The following AKAP10 variants were observed in gnomAD, a reference collection of about 807,000 sequenced individuals.
The protein encoded by AKAP10 is A-kinase anchor protein 10, mitochondrial.
In AKAP10, 24 loss-of-function variants were observed where a neutral mutation model predicts 80.8. That is an observed-to-expected ratio of 0.30 (90% confidence interval 0.22 to 0.42). The LOEUF is 0.42. Ranked by LOEUF, AKAP10 falls within the 10% of genes least tolerant of loss-of-function variation. The pLI, the probability that AKAP10 is intolerant of heterozygous loss-of-function variation, is 1.00. For synonymous variants in AKAP10, 291 were observed against 277.7 expected (o/e 1.05, Z -0.48); for missense variants, 661 against 794.9 (o/e 0.83, Z 2.03).
intron 2 of AKAP10, among the ~76,000 whole-genome samples, chr17:19,968,185 A>G (rs555925735): frequency 2.8e-4 from 39 of 138,784 alleles, no homozygotes; most frequent in African/African-American, 9.7e-4. Flanking sequence ...TGGGTAACAG[A>G]GCAAGACTCC....
In AKAP10 at chr17:19,905,032, T is replaced by TATA. The variant is rs1567747576; in HGVS notation, c.*1194_*1195insTAT. The TATA allele has an allele frequency of 9.5e-5, 14 of 146,746 alleles. No homozygotes were observed. The East Asian group carries it at 2.0e-3, about 21-fold the overall frequency. 9.1% of individuals were successfully genotyped at this position (146,746 alleles called of 1,614,324 possible). The stretch of plus-strand genomic sequence containing the variant: ...TATATTTATACATATATATATATAT[T>TATA]TTTTTTTTTGCAAAGTCTGAGCAAA... On this transcript the variant is annotated 3_prime_UTR_variant, in exon 15 of 15. Transcript: ENST00000225737.
chr17:19,961,600 G>A (rs576279923), intron 3 of AKAP10, among the ~76,000 whole-genome samples: 1 of 152,206 alleles, frequency 6.6e-6, no homozygotes, highest in Non-Finnish European at 1.5e-5. Context: ...GAAGTCCATT[G>A]GTTCATGGAT....
At chr17:19,933,781 AAT>A (rs1471627599) in intron 9 of AKAP10, among the ~76,000 whole-genome samples, 2 of 152,138 alleles carry the variant, frequency 1.3e-5, no homozygotes, top group African/African-American at 4.8e-5. Context: ...AATAGCGTTT[AAT>A]TAAGTTTTTT....
chr17:19,952,944 T>C (rs183912626), intron 4 of AKAP10, among the ~76,000 whole-genome samples: 1 of 152,308 alleles, frequency 6.6e-6, no homozygotes, highest in Admixed American at 6.5e-5. Context: ...TTGACATTTA[T>C]AGAAAACTGT....
intron 5 of AKAP10, among the ~76,000 whole-genome samples, chr17:19,944,064 C>T (rs1271795679): frequency 2.0e-5 from 3 of 152,032 alleles, no homozygotes; most frequent in Non-Finnish European, 4.4e-5. Flanking sequence ...GAGGACTTTG[C>T]TTCCTGCTTC....
At chr17:19,970,756 G>A (rs576876979) in intron 1 of AKAP10, among the ~76,000 whole-genome samples, 2 of 152,126 alleles carry the variant, frequency 1.3e-5, no homozygotes, top group East Asian at 1.9e-4. Context: ...CCGGGAGGCC[G>A]AGATTGCGGT....
intron 9 of AKAP10, among the ~76,000 whole-genome samples, chr17:19,933,889 T>C (rs2042964835): frequency 6.6e-6 from 1 of 152,168 alleles, no homozygotes; most frequent in East Asian, 1.9e-4. Context: ...AATAAATCAT[T>C]CACAAACATC....
At chr17:19,937,485 G>A (rs2043004429) in intron 8 of AKAP10, among the ~76,000 whole-genome samples, 2 of 152,136 alleles carry the variant, frequency 1.3e-5, no homozygotes, top group Non-Finnish European at 2.9e-5. Flanking sequence ...CTGGGTGACA[G>A]AGCAAGACTC....
intron 2 of AKAP10, among the ~76,000 whole-genome samples, chr17:19,964,648 T>C (rs1422732166): frequency 6.6e-6 from 1 of 152,120 alleles, no homozygotes; most frequent in East Asian, 1.9e-4. Context: ...TCCCAGAACT[T>C]TTGGAGGCTG....
Position 19,963,003 on chromosome 17 carries a change from G to A in AKAP10, c.156C>T (p.Ser52=). The A allele has an allele frequency of 6.2e-7, 1 of 1,610,032 alleles. No individual in the cohort carries two copies. The highest frequency in any genetic ancestry group is 8.5e-7 in the Non-Finnish European group (1 of 1,177,334). The change falls in exon 3 of 15, where the codon TCC becomes TCT. Residue 52 remains serine, a synonymous_variant. Coordinates refer to ENST00000225737, the MANE Select transcript of AKAP10 (RefSeq NM_007202.4). ...CATGATTTTTAGTGCTTTTTTGTGG[G>A]GAATGTACGGATATTGAAGCTATAA... ...KSIKASISVH[S]PQKSTKNHAL...
At chr17:19,963,696 A>G (rs1290892454) in intron 2 of AKAP10, among the ~76,000 whole-genome samples, 1 of 152,068 alleles carries the variant, frequency 6.6e-6, no homozygotes, top group African/African-American at 2.4e-5. Flanking sequence ...GGAGTTCAAG[A>G]CCAGCCTGAC....
rs536228009 is a variant in AKAP10 at position 19,942,606 on chromosome 17, T to C, written c.977-696A>G. On this transcript the variant is annotated intron_variant, in intron 5 of 14. Coordinates refer to ENST00000225737, the MANE Select transcript of AKAP10 (RefSeq NM_007202.4). ...AATTATGGATTTGTGAAGTTATCTG[T>C]AAAAAAGTTTATTAAAATGTTATTG... Among the ~76,000 whole-genome samples, 41 of 152,322 alleles carry C rather than the reference T, an allele frequency of 2.7e-4. No individual in the cohort carries two copies. The South Asian group carries it at 8.3e-3, about 31-fold the overall frequency.
At chr17:19,946,244 TATATATATATATATATATATATATATA>T (rs2043116608) in intron 5 of AKAP10, among the ~76,000 whole-genome samples, 1 of 14,264 alleles carries the variant, frequency 7.0e-5, no homozygotes, top group Non-Finnish European at 1.1e-4. Context: ...ATATTATATA[TATATATATATATATATATATATATATA>T]TATATTTTTT....
At chr17:19,914,614 G>C (rs2042724831) in intron 12 of AKAP10, among the ~76,000 whole-genome samples, 1 of 110,916 alleles carries the variant, frequency 9.0e-6, no homozygotes, top group Non-Finnish European at 1.7e-5. Context: ...GGGCAACAGA[G>C]CAAGACCCTA....
chr17:19,965,839 C>T (rs1293087138), intron 2 of AKAP10, among the ~76,000 whole-genome samples: 3 of 151,334 alleles, frequency 2.0e-5, no homozygotes, highest in Non-Finnish European at 4.4e-5. Flanking sequence ...AGGCACTATA[C>T]GAGTTTCTCT....
chr17:19,971,876 G>A (rs867636238), intron 1 of AKAP10, among the ~76,000 whole-genome samples: 40 of 152,062 alleles, frequency 2.6e-4, no homozygotes, highest in African/African-American at 8.9e-4. Context: ...AGCACTTTGG[G>A]AAGCAGCTCA....
At position 19,958,483 on chromosome 17, in the gene AKAP10, G is replaced by A. The variant is rs146842541; in HGVS notation, c.408C>T (p.Leu136=). The change falls in exon 4 of 15, where the codon CTC becomes CTT. Residue 136 remains leucine, a synonymous_variant. Coordinates refer to ENST00000225737, the MANE Select transcript of AKAP10 (RefSeq NM_007202.4). The part of the protein sequence containing the change: ...LEQVLHDTIV[L]PYFIQFMELR... ...GTTCCATGAATTGAATGAAGTAAGG[G>A]AGGACAATAGTGTCGTGCAAGACTT... 1 of 1,613,772 alleles carries A rather than the reference G, an allele frequency of 6.2e-7. No individual in the cohort carries two copies. Among genetic ancestry groups the A allele is most frequent in the Non-Finnish European group, 8.5e-7 (1 of 1,180,040 alleles).
At chr17:19,912,271 G>A (rs1031287703) in intron 12 of AKAP10, among the ~76,000 whole-genome samples, 14 of 151,874 alleles carry the variant, frequency 9.2e-5, no homozygotes, top group African/African-American at 2.4e-4. Context: ...AAAAATAGGC[G>A]TGTGCCAATA....
At chr17:19,965,797 G>T (rs1567776743) in intron 2 of AKAP10, among the ~76,000 whole-genome samples, 1 of 151,422 alleles carries the variant, frequency 6.6e-6, no homozygotes, top group Non-Finnish European at 1.5e-5. Flanking sequence ...ACTAGATAAT[G>T]ATAGCTACCA....
Sources: allele counts gnomAD v4.1 joint callset (sites outside exome capture counted in the v4.1 genomes callset), GRCh38; gene constraint gnomAD v4.1.1; transcripts MANE v1.5; gene names NCBI Gene and HGNC (gene_info 2026-07-23, HGNC 2026-07-21).